Variants in ASRGL1 observed in about 807,000 individuals in gnomAD.
ASRGL1 encodes asparaginase and isoaspartyl peptidase 1, also known as isoaspartyl peptidase/L-asparaginase.
A neutral mutation model predicts 22.4 loss-of-function variants in ASRGL1; 16 were observed. That is an observed-to-expected ratio of 0.71 (90% confidence interval 0.48 to 1.08). ASRGL1 has a LOEUF of 1.08. Among genes scored for constraint, ASRGL1 ranks in the 50% least tolerant of loss-of-function variants. The probability of loss-of-function intolerance (pLI) is 0.00; values close to 1 mark genes in which losing one functional copy is unlikely to be tolerated. For synonymous variants in ASRGL1, 165 were observed against 159.3 expected, an observed-to-expected ratio of 1.04 and a Z score of -0.27; for missense variants, 412 against 410.1, an observed-to-expected ratio of 1.00 and a Z score of -0.04.
chr11:62,371,522 A>C, intron 4 of ASRGL1: 1 of 699,132 alleles, frequency 1.4e-6, no homozygotes, highest in Non-Finnish European at 2.6e-6. Context: ...GCTTGGTAAA[A>C]GTCATCACCA....
chr11:62,362,809 G>GACACACAC (rs1257030349), intron 4 of ASRGL1, among the ~76,000 whole-genome samples: 1 of 6,972 alleles, frequency 1.4e-4, no homozygotes, highest in African/African-American at 3.2e-4. Context: ...TTGCTTATCT[G>GACACACAC]ACATACACAC....
At chr11:62,398,672 C>CGCTA in the ASRGL1 span, among the ~76,000 whole-genome samples, 1 of 152,244 alleles carries the variant, frequency 6.6e-6, no homozygotes. Flanking sequence ...GGCCCACTCC[C>CGCTA]GCTAGCGGCG....
the ASRGL1 span, among the ~76,000 whole-genome samples, chr11:62,398,823 A>C: frequency 3.2e-3 from 488 of 152,326 alleles, 5 homozygotes; most frequent in African/African-American, 0.011. Context: ...TGGATGCCTC[A>C]TGACTAAAAG....
chr11:62,369,815 G>T (rs1314581884), intron 4 of ASRGL1, among the ~76,000 whole-genome samples: 1 of 152,110 alleles, frequency 6.6e-6, no homozygotes, highest in Non-Finnish European at 1.5e-5. Context: ...TTATAAACTC[G>T]GGGTGTAATA....
At position 62,349,777 on chromosome 11, in the gene ASRGL1, G is replaced by A. The variant is rs1021481577; in HGVS notation, c.191-6548G>A. Among the ~76,000 whole-genome samples, 3 of 152,198 alleles carry A rather than the reference G, an allele frequency of 2.0e-5. No individual in the cohort carries two copies. The South Asian group carries it at 6.2e-4, about 31-fold the overall frequency. ...GAATAAAGCATGGCTACTCCATAGA[G>A]CAGCCCCGAGGGCTACTGGTTGCCC... is the stretch of plus-strand genomic sequence containing the variant. On this transcript the variant is annotated intron_variant, in intron 2 of 6. Transcript: ENST00000415229.
intron 4 of ASRGL1, among the ~76,000 whole-genome samples, chr11:62,375,168 T>C (rs1475196861): frequency 6.6e-6 from 1 of 151,924 alleles, no homozygotes; most frequent in Non-Finnish European, 1.5e-5. Flanking sequence ...CGCACCTCCT[T>C]CTGGCTTAGA....
chr11:62,342,561 A>G (rs908515723), intron 2 of ASRGL1, among the ~76,000 whole-genome samples: 3 of 152,176 alleles, frequency 2.0e-5, no homozygotes, highest in Admixed American at 6.5e-5. Flanking sequence ...GTTCAAGAGC[A>G]GCCTGTCCAA....
intron 4 of ASRGL1, among the ~76,000 whole-genome samples, chr11:62,364,410 T>C (rs1402766481): frequency 6.6e-6 from 1 of 151,730 alleles, no homozygotes; most frequent in East Asian, 1.9e-4. Flanking sequence ...AGCTTTTTAA[T>C]ATTTTTCTAG....
At chr11:62,341,855 T>C (rs1297302801) in intron 2 of ASRGL1, among the ~76,000 whole-genome samples, 1 of 152,216 alleles carries the variant, frequency 6.6e-6, no homozygotes, top group Admixed American at 6.5e-5. Context: ...TCCCAGCCCC[T>C]GGCAACAACT....
At chr11:62,356,271 C>A (rs1331159668) in intron 2 of ASRGL1, 54 bp from the exon 3 acceptor site, 3 of 1,598,172 alleles carry the variant, frequency 1.9e-6, no homozygotes, top group Non-Finnish European at 2.6e-6. Flanking sequence ...CACCTCCCTC[C>A]CGGACGGGGC....
chr11:62,381,578 C>T (rs1479951773), intron 4 of ASRGL1, among the ~76,000 whole-genome samples: 1 of 152,076 alleles, frequency 6.6e-6, no homozygotes, highest in African/African-American at 2.4e-5. Context: ...ATGATTTTAC[C>T]CTTCCTACTT....
At chr11:62,362,769 A>T (rs1285010765) in intron 4 of ASRGL1, among the ~76,000 whole-genome samples, 1 of 100,784 alleles carries the variant, frequency 9.9e-6, no homozygotes, top group Non-Finnish European at 1.9e-5. Context: ...TATATATATA[A>T]ATTTAAATTT....
chr11:62,351,447 C>T (rs1195580540), intron 2 of ASRGL1, among the ~76,000 whole-genome samples: 5 of 151,960 alleles, frequency 3.3e-5, no homozygotes, highest in Non-Finnish European at 7.4e-5. Flanking sequence ...GTCAGGAGTT[C>T]GAGACCAGCC....
chr11:62,366,809 CTCTT>C (rs1263992486), intron 4 of ASRGL1, among the ~76,000 whole-genome samples: 3 of 152,118 alleles, frequency 2.0e-5, no homozygotes, highest in Non-Finnish European at 2.9e-5. Flanking sequence ...CTGTACCTGG[CTCTT>C]TCTTATGAGC....
In ASRGL1 at chr11:62,391,807, A is replaced by AG. The variant is rs3832778; in HGVS notation, c.721+176dup. 5.8e-3 allele frequency: 4,612 copies of AG among 800,360 alleles called. 128 individuals carry two copies. The African/African-American group carries it at 0.062, about 11-fold the overall frequency. The allele number at this position is 800,360 out of a possible 1,614,324, so 49.6% of individuals were successfully genotyped here. ...CGCCTTCCCTTAGGTCTGGAATGGTAGAGCATTGAGTACTGTTATCTTCCA... is the reference window on the plus strand; with the variant it reads ...CGCCTTCCCTTAGGTCTGGAATGGTAGGAGCATTGAGTACTGTTATCTTCCA... On this transcript the variant is annotated intron_variant, in intron 6 of 6. Coordinates refer to ENST00000415229, the MANE Select transcript of ASRGL1 (RefSeq NM_001083926.2).
At position 62,379,254 on chromosome 11, in the gene ASRGL1, G is replaced by A. The variant is rs559340235; in HGVS notation, c.492-9879G>A. On this transcript the variant is annotated intron_variant, in intron 4 of 6. Coordinates refer to ENST00000415229, the MANE Select transcript of ASRGL1 (RefSeq NM_001083926.2). ...CATTTAGGCCAATTTTTTGGCCACT[G>A]GTTTAAAGCAATGATAGAGACATCT... 2.0e-5 allele frequency among the ~76,000 whole-genome samples: 3 copies of A among 152,222 alleles called. No homozygotes were observed. In the South Asian group the frequency reaches 6.2e-4, roughly 32 times the overall value.
chr11:62,364,111 A>G (rs1284193246), intron 4 of ASRGL1, among the ~76,000 whole-genome samples: 1 of 145,268 alleles, frequency 6.9e-6, no homozygotes, highest in African/African-American at 2.6e-5. Flanking sequence ...GTGAGCTGAG[A>G]TCACACCACT....
At chr11:62,371,947 C>A in intron 4 of ASRGL1, 1 of 582,996 alleles carries the variant, frequency 1.7e-6, no homozygotes, top group Non-Finnish European at 3.0e-6. Context: ...GAGCAAGACT[C>A]CGTCTCAAAA....
intron 4 of ASRGL1, among the ~76,000 whole-genome samples, chr11:62,379,790 T>A (rs930953857): frequency 2.6e-5 from 4 of 152,140 alleles, no homozygotes; most frequent in African/African-American, 9.7e-5. Flanking sequence ...GTGGGGGTTG[T>A]TGTCCCTGAA....
Sources: gnomAD v4.1 joint callset for allele counts (sites outside exome capture counted in the v4.1 genomes callset) on GRCh38, gnomAD v4.1.1 for gene constraint, MANE v1.5 for transcripts, NCBI Gene and HGNC (gene_info 2026-07-23, HGNC 2026-07-21) for gene names.